The following SETBP1 variants were observed in gnomAD, a reference collection of about 807,000 sequenced individuals.
SETBP1 encodes SET binding protein 1.
A neutral mutation model predicts 101.0 loss-of-function variants in SETBP1; 9 were observed. The observed-to-expected ratio is 0.09, with a 90% CI of 0.05 to 0.16. The LOEUF (loss-of-function observed/expected upper bound fraction) is 0.16. Among genes scored for constraint, SETBP1 ranks in the 10% least tolerant of loss-of-function variants. The pLI, the probability that SETBP1 is intolerant of heterozygous loss-of-function variation, is 1.00. For missense variants in SETBP1, 1,858 were observed against 2,033.8 expected, an observed-to-expected ratio of 0.91 and a Z score of 1.66; for synonymous variants, 818 against 788.5, an observed-to-expected ratio of 1.04 and a Z score of -0.63.
intron 3 of SETBP1, among the ~76,000 whole-genome samples, chr18:44,886,848 A>C (rs551802230): frequency 6.6e-6 from 1 of 151,776 alleles, no homozygotes; most frequent in Admixed American, 6.6e-5. Context: ...ACAGCATTGT[A>C]AAGTCCCAAA....
chr18:44,796,490 T>C (rs1479836540), intron 2 of SETBP1, among the ~76,000 whole-genome samples: 1 of 152,220 alleles, frequency 6.6e-6, no homozygotes, highest in African/African-American at 2.4e-5. Flanking sequence ...CCTAAAGAGA[T>C]GCTTATCTGG....
intron 2 of SETBP1, among the ~76,000 whole-genome samples, chr18:44,758,738 T>C (rs956240192): frequency 6.6e-6 from 1 of 152,220 alleles, no homozygotes; most frequent in Non-Finnish European, 1.5e-5. Flanking sequence ...CAATGAACCA[T>C]TGCATGTCCT....
chr18:44,985,009 C>G (rs1297090309), intron 4 of SETBP1, among the ~76,000 whole-genome samples: 1 of 152,072 alleles, frequency 6.6e-6, no homozygotes, highest in Non-Finnish European at 1.5e-5. Flanking sequence ...GTCGTGGTGG[C>G]GTGCGCCTAT....
chr18:44,783,892 G>A (rs1350438124), intron 2 of SETBP1, among the ~76,000 whole-genome samples: 1 of 152,162 alleles, frequency 6.6e-6, no homozygotes, highest in Non-Finnish European at 1.5e-5. Flanking sequence ...TAAGCCTTGG[G>A]CAAATGGTTC....
intron 3 of SETBP1, among the ~76,000 whole-genome samples, chr18:44,916,628 G>A (rs184527718): frequency 4.6e-5 from 7 of 152,098 alleles, no homozygotes; most frequent in Non-Finnish European, 1.0e-4. Context: ...TGGTGAATAC[G>A]GCATAAAGTA....
Position 45,000,979 on chromosome 18 carries a change from G to A in SETBP1, c.4001-37506G>A, listed in dbSNP as rs563608062. On this transcript the variant is annotated intron_variant, in intron 4 of 5. Coordinates refer to ENST00000649279, the MANE Select transcript of SETBP1 (RefSeq NM_015559.3). Reference sequence around the variant, plus strand: ...CAAAATAGAGGTTGAAACAGCCCAGGTCCTGACTACTTTGCAAATAGAATG... The same window carrying A: ...CAAAATAGAGGTTGAAACAGCCCAGATCCTGACTACTTTGCAAATAGAATG... Among the ~76,000 whole-genome samples, 3 of 152,288 alleles carry A rather than the reference G, an allele frequency of 2.0e-5. No individual in the cohort carries two copies. The South Asian group carries it at 6.2e-4, about 32-fold the overall frequency.
chr18:44,863,940 C>T (rs1419178924), intron 2 of SETBP1, among the ~76,000 whole-genome samples: 5 of 152,100 alleles, frequency 3.3e-5, no homozygotes, highest in African/African-American at 1.2e-4. Flanking sequence ...TCAGCATGAC[C>T]CACACCCTGC....
rs1373778392 is a variant in SETBP1 at position 44,881,304 on chromosome 18, G to T, written c.540+12021G>T. On this transcript the variant is annotated intron_variant, in intron 3 of 5. Coordinates refer to ENST00000649279, the MANE Select transcript of SETBP1 (RefSeq NM_015559.3). ...CCCACCTCAAACCCATTGCATTTTT[G>T]GTTTATTGGCATCTTGTGAACAATG... 2.0e-5 allele frequency among the ~76,000 whole-genome samples: 3 copies of T among 152,076 alleles called. No homozygotes were observed. The East Asian group carries it at 5.8e-4, about 29-fold the overall frequency.
At chr18:45,052,114 G>A (rs1303083397) in intron 5 of SETBP1, among the ~76,000 whole-genome samples, 1 of 152,218 alleles carries the variant, frequency 6.6e-6, no homozygotes, top group African/African-American at 2.4e-5. Flanking sequence ...GCACAAACTG[G>A]GCCTGAATCA....
chr18:45,041,491 T>C (rs1005766165), intron 5 of SETBP1, among the ~76,000 whole-genome samples: 1 of 152,180 alleles, frequency 6.6e-6, no homozygotes, highest in Non-Finnish European at 1.5e-5. Flanking sequence ...GGGATCAGCT[T>C]ATTTTCTAAT....
Position 45,063,774 on chromosome 18 carries a change from A to C in SETBP1, c.*76A>C, listed in dbSNP as rs1229447080. ...GCGCAGTGAGCCGGGGCGGGGGCGG[A>C]ATCCCCCGCTGCAGGGACACCCACG... On this transcript the variant is annotated 3_prime_UTR_variant, in exon 6 of 6. Coordinates refer to ENST00000649279, the MANE Select transcript of SETBP1 (RefSeq NM_015559.3). 6.7e-7 allele frequency: 1 copy of C among 1,486,102 alleles called. No individual in the cohort carries two copies. Among genetic ancestry groups the C allele is most frequent in the Non-Finnish European group, 9.1e-7 (1 of 1,096,510 alleles). The allele number at this position is 1,486,102 out of a possible 1,614,324, so 92.1% of individuals were successfully genotyped here. A position where few individuals can be genotyped will look rare whatever the true frequency, so the allele number is the denominator to read the frequency against.
intron 4 of SETBP1, among the ~76,000 whole-genome samples, chr18:45,013,690 G>A (rs1220674464): frequency 6.6e-6 from 1 of 152,070 alleles, no homozygotes; most frequent in African/African-American, 2.4e-5. Context: ...CGCCTGCCTT[G>A]GCCTCCCAAA....
chr18:44,979,325 G>C (rs1443352084), intron 4 of SETBP1, among the ~76,000 whole-genome samples: 1 of 152,162 alleles, frequency 6.6e-6, no homozygotes, highest in African/African-American at 2.4e-5. Context: ...TTTCATATTT[G>C]CCTGGCCCTT....
rs559227590 is a variant in SETBP1, at chr18:44,905,384, C to G, written c.540+36101C>G. Among the ~76,000 whole-genome samples, 3 of 152,194 alleles carry G rather than the reference C, an allele frequency of 2.0e-5. No homozygotes were observed. The South Asian group carries it at 6.2e-4, about 32-fold the overall frequency. Reference sequence around the variant, plus strand: ...GGTTACAGAAGCTTGAATGGTGACTCCCATAGAATTTGGAAGGATACGGAA... The same window carrying G: ...GGTTACAGAAGCTTGAATGGTGACTGCCATAGAATTTGGAAGGATACGGAA... On this transcript the variant is annotated intron_variant, in intron 3 of 5. Transcript: ENST00000649279.
At chr18:44,688,515 C>T (rs183135706) in intron 1 of SETBP1, among the ~76,000 whole-genome samples, 80 of 150,730 alleles carry the variant, frequency 5.3e-4, no homozygotes, top group African/African-American at 1.3e-3. Flanking sequence ...TGTACTGTCA[C>T]GATCTCTGCT....
chr18:44,857,198 T>G (rs1281422840), intron 2 of SETBP1, among the ~76,000 whole-genome samples: 2 of 152,242 alleles, frequency 1.3e-5, no homozygotes, highest in Admixed American at 1.3e-4. Flanking sequence ...GATGAGGGCA[T>G]GGCTCTTCCT....
chr18:45,034,128 T>C (rs2073349654), intron 4 of SETBP1, among the ~76,000 whole-genome samples: 1 of 152,198 alleles, frequency 6.6e-6, no homozygotes, highest in Admixed American at 6.5e-5. Context: ...CTTCATGACC[T>C]CTGTGACCTT....
chr18:44,853,314 C>A (rs1326169309), intron 2 of SETBP1, among the ~76,000 whole-genome samples: 4 of 152,144 alleles, frequency 2.6e-5, no homozygotes, highest in Non-Finnish European at 4.4e-5. Flanking sequence ...AGTTTAACAC[C>A]AACAATTTCA....
intron 2 of SETBP1, among the ~76,000 whole-genome samples, chr18:44,742,041 C>T (rs2070110626): frequency 6.6e-6 from 1 of 152,222 alleles, no homozygotes; most frequent in Non-Finnish European, 1.5e-5. Context: ...GTGCACATTA[C>T]CCATTTCAAA....
Sources: allele counts gnomAD v4.1 joint callset (sites outside exome capture counted in the v4.1 genomes callset), GRCh38; gene constraint gnomAD v4.1.1; transcripts MANE v1.5; gene names NCBI Gene and HGNC (gene_info 2026-07-23, HGNC 2026-07-21).